Variants in ACOT11 observed in about 807,000 individuals in gnomAD.
The protein encoded by ACOT11 is acyl-CoA thioesterase 11.
ACOT11 carries 69 observed loss-of-function variants against 77.5 expected under a neutral mutation model. That is an observed-to-expected ratio of 0.89 (90% CI 0.73 to 1.09). The LOEUF (loss-of-function observed/expected upper bound fraction) is 1.09, where lower values mean the gene tolerates loss of function less well. Ranked by LOEUF, ACOT11 falls within the 50% of genes least tolerant of loss-of-function variation. The pLI is 0.00. For synonymous variants in ACOT11, 279 were observed against 313.0 expected, an observed-to-expected ratio of 0.89 and a Z score of 1.15; for missense variants, 766 against 813.7, an observed-to-expected ratio of 0.94 and a Z score of 0.71.
At chr1:54,612,692 CT>C (rs985738043), downstream of ACOT11, 1 of 1,613,698 alleles carries the variant, frequency 6.2e-7, no homozygotes, top group Non-Finnish European at 8.5e-7. Context: ...GATACTTCTC[CT>C]GGACCAGGGC....
At chr1:54,590,329 TG>T (rs35246693) in intron 3 of ACOT11, among the ~76,000 whole-genome samples, 2,760 of 151,650 alleles carry the variant, frequency 0.018, 79 homozygotes, top group African/African-American at 0.063. Context: ...GATTTGTTCA[TG>T]GGGGGTCGCT....
At chr1:54,558,899 A>C (rs540424957) in intron 1 of ACOT11, among the ~76,000 whole-genome samples, 1 of 152,276 alleles carries the variant, frequency 6.6e-6, no homozygotes, top group South Asian at 2.1e-4. Context: ...TAGTGCCAAG[A>C]TATGCAGTTC....
chr1:54,637,766 AAG>A (rs1406214881), exon 17 of ACOT11: 1 of 152,134 alleles, frequency 6.6e-6, no homozygotes, highest in Non-Finnish European at 1.5e-5. Flanking sequence ...CAGCCGGGGT[AAG>A]AGAGCGAGAC....
rs750196655 is a variant in ACOT11 at position 54,615,983 on chromosome 1, G to A, written c.1629+7915G>A. 7.5e-6 allele frequency: 12 copies of A among 1,606,432 alleles called. No homozygotes were observed. In the South Asian group the frequency reaches 1.1e-4, roughly 15 times the overall value. ...GCACATGCTGCCCCAGGGCCAGAGG[G>A]CTGGGGGCCGGAGAGGGTTTCCAGA... On this transcript the variant is annotated intron_variant, in intron 15 of 16. Transcript: ENST00000371316.
rs141290288 is a variant in ACOT11 at position 54,618,655 on chromosome 1, G to A, written c.1629+10587G>A. Among the ~76,000 whole-genome samples the A allele has an allele frequency of 1.9e-3, 288 of 152,290 alleles. 6 individuals carry two copies. In the East Asian group the frequency reaches 0.036, roughly 19 times the overall value. On this transcript the variant is annotated intron_variant, in intron 15 of 16. Coordinates refer to the ACOT11 transcript ENST00000371316. ...GGATTTGTTTCCTGTGGCCACAGCT[G>A]TAGCCCTGGTCCTCAGGAAGCCATA...
At chr1:54,589,846 A>T (rs1054978709) in intron 3 of ACOT11, among the ~76,000 whole-genome samples, 3 of 152,060 alleles carry the variant, frequency 2.0e-5, no homozygotes, top group African/African-American at 7.2e-5. Flanking sequence ...GCTTCTCTAT[A>T]GGGAGGCCGA....
chr1:54,591,819 G>C (rs1654723963), intron 3 of ACOT11, among the ~76,000 whole-genome samples: 1 of 152,206 alleles, frequency 6.6e-6, no homozygotes, highest in Non-Finnish European at 1.5e-5. Context: ...TTTTAGCTTG[G>C]TGACCTTGGG....
chr1:54,556,834 T>C (rs1047297969), intron 1 of ACOT11, among the ~76,000 whole-genome samples: 1 of 152,082 alleles, frequency 6.6e-6, no homozygotes, highest in Admixed American at 6.6e-5. Context: ...CCGCCCACCT[T>C]GGCCTCCCAA....
intron 1 of ACOT11, among the ~76,000 whole-genome samples, chr1:54,549,823 G>T (rs1653000280): frequency 6.6e-6 from 1 of 152,258 alleles, no homozygotes; most frequent in African/African-American, 2.4e-5. Flanking sequence ...TGTCACCTGA[G>T]TGCAGGGCAG....
chr1:54,562,956 C>T (rs1262967447), intron 1 of ACOT11, among the ~76,000 whole-genome samples: 1 of 145,144 alleles, frequency 6.9e-6, no homozygotes, highest in East Asian at 2.0e-4. Context: ...CCTCACATCC[C>T]AGACGATGGG....
chr1:54,591,182 A>G (rs1654700835), intron 3 of ACOT11, among the ~76,000 whole-genome samples: 1 of 152,246 alleles, frequency 6.6e-6, no homozygotes, highest in Admixed American at 6.5e-5. Context: ...TACTAAAAAA[A>G]TGAACAGGAA....
In ACOT11 at chr1:54,593,967, C is replaced by T. The variant is rs559815271; in HGVS notation, c.399C>T (p.Asp133=). The T allele has an allele frequency of 1.2e-6, 2 of 1,614,014 alleles. No homozygotes were observed. The highest frequency in any genetic ancestry group is 2.2e-5 in the South Asian group (2 of 91,002). Reference sequence around the variant, plus strand: ...TGGGCATCCAGGTGGCCTCGGAGGACCTGTGCTCTGAGAAGCAGTGGAATG... The same window carrying T: ...TGGGCATCCAGGTGGCCTCGGAGGATCTGTGCTCTGAGAAGCAGTGGAATG... The part of the protein sequence containing the change: ...MEVGIQVASE[D]LCSEKQWNVC... Residue 133 remains aspartate (D), a synonymous_variant, in exon 5 of 16, where the codon GAC becomes GAT. Transcript: ENST00000343744.
chr1:54,622,042 G>A (rs1644234619), intron 15 of ACOT11, among the ~76,000 whole-genome samples: 1 of 152,154 alleles, frequency 6.6e-6, no homozygotes, highest in African/African-American at 2.4e-5. Context: ...GGGAGGCCAA[G>A]GTGGGCAGAT....
chr1:54,631,876 C>T (rs1250399308), intron 16 of ACOT11, among the ~76,000 whole-genome samples: 3 of 152,256 alleles, frequency 2.0e-5, no homozygotes, highest in Admixed American at 1.3e-4. Context: ...GGCTGCTCTG[C>T]GACCTATCAG....
At chr1:54,616,265 G>C (rs1644172482) in intron 15 of ACOT11, 1 of 1,104,738 alleles carries the variant, frequency 9.1e-7, no homozygotes, top group African/African-American at 1.6e-5. Context: ...CAGAACATTT[G>C]AGAAATACAG....
intron 1 of ACOT11, chr1:54,573,245 A>G (rs1275663744): frequency 1.0e-6 from 1 of 985,364 alleles, no homozygotes; most frequent in African/African-American, 1.7e-5. Context: ...AAAGTGGTCA[A>G]GCAGTCTTAG....
Position 54,609,135 on chromosome 1 carries a change from G to GCCCACTCCCACT in ACOT11, c.*26_*37dup, listed in dbSNP as rs775508781. Reference sequence around the variant, plus strand: ...TAGATGCCCTCAGTGGCCACATCATGCCCACTCCCACTCCATCCTGTCCCC... The same window carrying GCCCACTCCCACT: ...TAGATGCCCTCAGTGGCCACATCATGCCCACTCCCACTCCCACTCCCACTCCATCCTGTCCCC... On this transcript the variant is annotated 3_prime_UTR_variant, in exon 16 of 16. Coordinates refer to ENST00000343744, the MANE Select transcript of ACOT11 (RefSeq NM_147161.4). The GCCCACTCCCACT allele has an allele frequency of 6.2e-7, 1 of 1,613,692 alleles. No individual in the cohort carries two copies. The highest frequency in any genetic ancestry group is 1.3e-5 in the African/African-American group (1 of 74,912).
intron 1 of ACOT11, among the ~76,000 whole-genome samples, chr1:54,568,757 A>AT (rs1233112510): frequency 1.3e-5 from 2 of 151,752 alleles, no homozygotes; most frequent in Non-Finnish European, 2.9e-5. Flanking sequence ...TTTTTATTTT[A>AT]TTTTTTAAAA....
intron 15 of ACOT11, among the ~76,000 whole-genome samples, chr1:54,624,762 G>T (rs1644261802): frequency 1.3e-5 from 2 of 152,126 alleles, no homozygotes; most frequent in African/African-American, 4.8e-5. Flanking sequence ...AGTGGGGAGG[G>T]CAGAGGTCAG....
Sources: allele counts gnomAD v4.1 joint callset (sites outside exome capture counted in the v4.1 genomes callset), GRCh38; gene constraint gnomAD v4.1.1; transcripts MANE v1.5; gene names NCBI Gene and HGNC (gene_info 2026-07-23, HGNC 2026-07-21).